Variants in CASP9 observed in about 807,000 individuals in gnomAD.
CASP9 encodes caspase-9.
CASP9 carries 29 observed loss-of-function variants against 43.5 expected under a neutral mutation model. The ratio of observed to expected loss-of-function variants is 0.67; its 90% CI spans 0.50 to 0.91. The LOEUF (loss-of-function observed/expected upper bound fraction) is 0.91. Ranked by LOEUF, CASP9 falls within the 40% of genes least tolerant of loss-of-function variation. The pLI is 0.00. For synonymous variants in CASP9, 206 were observed against 211.9 expected, an observed-to-expected ratio of 0.97 and a Z score of 0.24; for missense variants, 575 against 537.4, an observed-to-expected ratio of 1.07 and a Z score of -0.69.
chr1:15,507,722 C>A, intron 3 of CASP9, 151 bp downstream of exon 3: 2 of 700,332 alleles, frequency 2.9e-6, no homozygotes, highest in Non-Finnish European at 5.0e-6. Flanking sequence ...AGGCGCTGGG[C>A]CGGAGTCAGG....
chr1:15,517,401 C>T (rs184849125), intron 2 of CASP9, among the ~76,000 whole-genome samples: 26 of 152,036 alleles, frequency 1.7e-4, no homozygotes, highest in Admixed American at 3.3e-4. Flanking sequence ...GAGATGAGAA[C>T]GGTGATTACC....
intron 1 of CASP9, among the ~76,000 whole-genome samples, chr1:15,520,230 C>T (rs1463204280): frequency 6.6e-6 from 1 of 152,140 alleles, no homozygotes; most frequent in Non-Finnish European, 1.5e-5. Flanking sequence ...TATTTAGTAA[C>T]CATATATCAC....
intron 2 of CASP9, among the ~76,000 whole-genome samples, chr1:15,514,064 T>A (rs1054291726): frequency 6.6e-6 from 1 of 152,218 alleles, no homozygotes; most frequent in African/African-American, 2.4e-5. Flanking sequence ...TGAATATGTA[T>A]GAGTGCAGTG....
In CASP9 at chr1:15,494,574, A is replaced by G. The variant is rs111258001; in HGVS notation, c.1049-573T>C. Among the ~76,000 whole-genome samples, 1,421 of 151,426 alleles carry G rather than the reference A, an allele frequency of 9.4e-3. 28 individuals are homozygous for G. Among genetic ancestry groups the G allele is most frequent in the African/African-American group, 0.032 (1,304 of 41,222 alleles). ...AGCAAGACTCCGTCTCAAAAAAAAA[A>G]AAAAAAAGGCTGGGCGCGGTGGCTC... is the stretch of plus-strand genomic sequence containing the variant. On this transcript the variant is annotated intron_variant, in intron 7 of 8. Coordinates refer to ENST00000333868, the MANE Select transcript of CASP9 (RefSeq NM_001229.5).
intron 1 of CASP9, among the ~76,000 whole-genome samples, chr1:15,521,029 T>C (rs1054141091): frequency 9.2e-5 from 14 of 151,424 alleles, no homozygotes; most frequent in South Asian, 8.4e-4. Context: ...TGGTGGCGGG[T>C]GCCTGTAGAC....
intron 2 of CASP9, among the ~76,000 whole-genome samples, chr1:15,509,968 T>G (rs1351841878): frequency 6.6e-6 from 1 of 152,216 alleles, no homozygotes; most frequent in Non-Finnish European, 1.5e-5. Flanking sequence ...TCTCGCTCTG[T>G]CACCCAGGCT....
chr1:15,516,158 C>T (rs1376152303), intron 2 of CASP9, among the ~76,000 whole-genome samples: 6 of 150,066 alleles, frequency 4.0e-5, no homozygotes, highest in African/African-American at 7.4e-5. Context: ...GCTGAGATTG[C>T]GCCACTGCAC....
In CASP9 at chr1:15,524,069, C is replaced by G. The variant is rs1268706026; in HGVS notation, c.132G>C (p.Gln44His). ...LFRPHMIEDI[Q>H]RAGSGSRRDQ... ...CGGGGACAGGGGGCCGGGGGCGCAC[C>G]TGGATGTCCTCGATCATATGGGGCC... Residue 44 changes from glutamine to histidine, a missense_variant and splice_region_variant, in exon 1 of 9, where the codon CAG (glutamine) becomes CAC (histidine). Coordinates refer to ENST00000333868, the MANE Select transcript of CASP9 (RefSeq NM_001229.5). 3 of 1,462,642 alleles carry G rather than the reference C, an allele frequency of 2.1e-6. No homozygotes were observed. The highest frequency in any genetic ancestry group is 2.7e-6 in the Non-Finnish European group (3 of 1,113,882). The allele number at this position is 1,462,642 out of a possible 1,614,324, so 90.6% of individuals were successfully genotyped here.
chr1:15,497,992 A>G (rs186837997), intron 6 of CASP9, among the ~76,000 whole-genome samples: 3 of 152,296 alleles, frequency 2.0e-5, no homozygotes, highest in South Asian at 4.1e-4. Flanking sequence ...ACACCCTCAC[A>G]TGCGTGGTCA....
In CASP9 at chr1:15,506,941, CGAG is replaced by C. The variant is rs1306309244; in HGVS notation, c.585_587del (p.Ser196del). 6.8e-6 allele frequency: 11 copies of C among 1,614,084 alleles called. No homozygotes were observed. The highest frequency in any genetic ancestry group is 1.3e-5 in the African/African-American group (1 of 75,038). On this transcript the variant is annotated inframe_deletion, in exon 4 of 9. Transcript: ENST00000333868. ...CCTTCACCTCCACCATGAAATGCAG[CGAG>C]GAGAAGCGACGCCGCAACTTCTCAC...
intron 1 of CASP9, among the ~76,000 whole-genome samples, chr1:15,523,319 A>C (rs568676334): frequency 6.6e-6 from 1 of 152,372 alleles, no homozygotes; most frequent in Admixed American, 6.5e-5. Context: ...TGACAGTATT[A>C]TTCTTATTCC....
chr1:15,495,622 C>T (rs4646089), intron 6 of CASP9, among the ~76,000 whole-genome samples, 170 bp from the exon 7 acceptor site: 7,196 of 152,202 alleles, frequency 0.047, 564 homozygotes, highest in African/African-American at 0.16. Flanking sequence ...AACTGGGTCA[C>T]GCAAACCTGC....
intron 3 of CASP9, among the ~76,000 whole-genome samples, chr1:15,507,568 C>T (rs899322484): frequency 4.6e-5 from 7 of 152,258 alleles, no homozygotes; most frequent in Non-Finnish European, 7.3e-5. Context: ...CAGCACAGAG[C>T]ATGGGAGCCA....
At position 15,507,062 on chromosome 1, in the gene CASP9, C is replaced by CA. The variant is rs1709554258; in HGVS notation, c.466_467insT (p.Ser156MetfsTer19). 2 of 1,613,976 alleles carry CA rather than the reference C, an allele frequency of 1.2e-6. No homozygotes were observed. The highest frequency in any genetic ancestry group is 2.7e-5 in the African/African-American group (2 of 74,938). On this transcript the variant is annotated frameshift_variant, in exon 4 of 9. Coordinates refer to ENST00000333868, the MANE Select transcript of CASP9 (RefSeq NM_001229.5). LOFTEE classifies it high-confidence loss of function. ...GAGGCAGTGGCCACAGGGCTCCATG[C>CA]TCAGGATGTAAGCCTGCCAGCACAG...
At chr1:15,503,972 G>C (rs1398335416) in intron 6 of CASP9, among the ~76,000 whole-genome samples, 3 of 152,078 alleles carry the variant, frequency 2.0e-5, no homozygotes, top group African/African-American at 7.2e-5. Flanking sequence ...TTTAAAATTA[G>C]AGCATACAGC....
chr1:15,494,105 G>T, intron 7 of CASP9, 104 bp from the exon 8 acceptor site: 1 of 1,399,980 alleles, frequency 7.1e-7, no homozygotes. Flanking sequence ...TCCAGACCTT[G>T]ACTCATACAT....
chr1:15,519,178 G>A (rs542835067), intron 1 of CASP9, among the ~76,000 whole-genome samples: 89 of 151,244 alleles, frequency 5.9e-4, no homozygotes, highest in Non-Finnish European at 9.9e-4. Context: ...GCCAGCCATC[G>A]GTTGTTTTTT....
At chr1:15,509,621 G>T (rs1457626834) in intron 2 of CASP9, among the ~76,000 whole-genome samples, 1 of 148,876 alleles carries the variant, frequency 6.7e-6, no homozygotes, top group Non-Finnish European at 1.5e-5. Context: ...GGCAACAAGA[G>T]CAAAACTCCA....
Position 15,506,466 on chromosome 1 carries a change from C to T in CASP9, c.631-387G>A, listed in dbSNP as rs529210156. On this transcript the variant is annotated intron_variant, in intron 4 of 8. Coordinates refer to ENST00000333868, the MANE Select transcript of CASP9 (RefSeq NM_001229.5). Reference sequence around the variant, plus strand: ...GTGGGACTCTGTGCCCCCGCCCCCCCCAAAAAATAAAACAACAAAGGGCCC... The same window carrying T: ...GTGGGACTCTGTGCCCCCGCCCCCCTCAAAAAATAAAACAACAAAGGGCCC... 3.3e-5 allele frequency among the ~76,000 whole-genome samples: 5 copies of T among 151,924 alleles called. No individual in the cohort carries two copies. In the East Asian group the frequency reaches 5.8e-4, roughly 18 times the overall value.
Sources: gnomAD v4.1 joint callset for allele counts (sites outside exome capture counted in the v4.1 genomes callset) on GRCh38, gnomAD v4.1.1 for gene constraint, MANE v1.5 for transcripts, NCBI Gene and HGNC (gene_info 2026-07-23, HGNC 2026-07-21) for gene names.